CCDC181: variants seen among roughly 807,000 people sequenced by gnomAD.
CCDC181 encodes coiled-coil domain containing 181, also known as coiled-coil domain-containing protein 181.
In CCDC181, 35 loss-of-function variants were observed where a neutral mutation model predicts 58.7. That is an observed-to-expected ratio of 0.60 (90% CI 0.46 to 0.79). The LOEUF is 0.79. Ranked by LOEUF, CCDC181 falls within the 30% of genes least tolerant of loss-of-function variation. The pLI, the probability that CCDC181 is intolerant of heterozygous loss-of-function variation, is 0.00. For missense variants in CCDC181, 517 were observed against 583.9 expected (o/e 0.89, Z 1.18); for synonymous variants, 183 against 197.5 (o/e 0.93, Z 0.62).
chr1:169,398,575 CCT>C (rs66522441), intron 4 of CCDC181, among the ~76,000 whole-genome samples: 6,796 of 152,128 alleles, frequency 0.045, 211 homozygotes, highest in East Asian at 0.12. Flanking sequence ...ATTAAGGTTC[CCT>C]CTCTCACACA....
At position 169,422,056 on chromosome 1, in the gene CCDC181, T is replaced by C. The variant is rs756936054; in HGVS notation, c.375A>G (p.Arg125=). Residue 125 remains arginine, a synonymous_variant, in exon 3 of 6, where the codon AGA becomes AGG. Transcript: ENST00000367806. ...LEEEEDEEVR[R]YIMEKIVQAN... Reference sequence around the variant, plus strand: ...CTTGTACAATTTTCTCCATAATATATCTCCTTACTTCCTCATCCTCTTCCT... The same window carrying C: ...CTTGTACAATTTTCTCCATAATATACCTCCTTACTTCCTCATCCTCTTCCT... 3.1e-6 allele frequency: 5 copies of C among 1,613,992 alleles called. No homozygotes were observed. In the East Asian group the frequency reaches 1.1e-4, roughly 36 times the overall value.
intron 4 of CCDC181, among the ~76,000 whole-genome samples, chr1:169,413,765 A>T (rs1650340903): frequency 6.6e-6 from 1 of 152,032 alleles, no homozygotes; most frequent in Non-Finnish European, 1.5e-5. Context: ...AAACTAACAC[A>T]GGAATAGAAA....
chr1:169,437,641 T>G (rs1571508792), intron 2 of CCDC181, among the ~76,000 whole-genome samples: 1 of 152,182 alleles, frequency 6.6e-6, no homozygotes, highest in East Asian at 1.9e-4. Flanking sequence ...TTCTTCCTGC[T>G]GATCAGGGGC....
intron 2 of CCDC181, among the ~76,000 whole-genome samples, chr1:169,437,778 A>G (rs1657097415): frequency 6.6e-6 from 1 of 152,162 alleles, no homozygotes; most frequent in Non-Finnish European, 1.5e-5. Flanking sequence ...ATTGTCATCT[A>G]TAGTTTTAGT....
chr1:169,410,691 C>T (rs977857567), intron 4 of CCDC181, among the ~76,000 whole-genome samples: 3 of 152,332 alleles, frequency 2.0e-5, no homozygotes, highest in African/African-American at 4.8e-5. Context: ...AACAAACAGT[C>T]TCTCAGACCA....
chr1:169,397,148 G>GT (rs377018153), intron 5 of CCDC181, 89 bp downstream of exon 5: 16,386 of 1,093,154 alleles, frequency 0.015, no homozygotes, highest in South Asian at 0.021. Flanking sequence ...CATTTTGAGG[G>GT]TTTTTTTTTT....
chr1:169,415,671 A>G (rs1296354172), intron 4 of CCDC181, among the ~76,000 whole-genome samples: 1 of 152,150 alleles, frequency 6.6e-6, no homozygotes, highest in Admixed American at 6.6e-5. Flanking sequence ...CATTTGTATC[A>G]TTTGGCTCTA....
intron 1 of CCDC181, 77 bp from the exon 2 acceptor site, chr1:169,425,027 G>A (rs1656654738): frequency 3.4e-6 from 2 of 588,890 alleles, no homozygotes; most frequent in East Asian, 5.4e-5. Context: ...TAATGCTGTA[G>A]GTAAGCTAAT....
In CCDC181 at chr1:169,437,745, G is replaced by T. The variant is rs115255380; in HGVS notation, c.-23-12795C>A. ...ATGCAGACCTGGCTGTGGTTCCAAG[G>T]CTTGCATGGCAAAGGCATTAGTATT... On this transcript the variant is annotated intron_variant, in intron 2 of 6. Coordinates refer to the CCDC181 transcript ENST00000545005. Among the ~76,000 whole-genome samples, 1,192 of 152,248 alleles carry T rather than the reference G, an allele frequency of 7.8e-3. 16 individuals carry two copies. The highest frequency in any genetic ancestry group is 0.027 in the African/African-American group (1,140 of 41,530).
At chr1:169,457,585 C>T (rs1279149147) in intron 2 of CCDC181, among the ~76,000 whole-genome samples, 2 of 152,086 alleles carry the variant, frequency 1.3e-5, no homozygotes, top group Non-Finnish European at 2.9e-5. Context: ...TATCATTTCA[C>T]TTAAAGATGC....
chr1:169,459,014 TATTC>T lies in CCDC181; in HGVS notation c.-24+779_-24+782del, dbSNP rs576044192. Among the ~76,000 whole-genome samples the T allele has an allele frequency of 3.0e-3, 460 of 152,190 alleles. 4 individuals are homozygous for T. The highest frequency in any genetic ancestry group is 0.011 in the African/African-American group (438 of 41,530). On this transcript the variant is annotated intron_variant, in intron 2 of 6. Transcript: ENST00000545005. ...TGCAGTTGACAAATATTAAAATAAT[TATTC>T]ATTCTCGTTTGTACAGCAGTGAGTA...
chr1:169,456,379 C>G (rs538123872), intron 2 of CCDC181, among the ~76,000 whole-genome samples: 1 of 151,996 alleles, frequency 6.6e-6, no homozygotes, highest in African/African-American at 2.4e-5. Context: ...TTTATATACT[C>G]TTCATGTATA....
chr1:169,449,339 C>CAT (rs1174299776), intron 2 of CCDC181, among the ~76,000 whole-genome samples: 1 of 152,142 alleles, frequency 6.6e-6, no homozygotes, highest in Non-Finnish European at 1.5e-5. Context: ...TTGCACATGC[C>CAT]ATAAGCTTCC....
Position 169,424,918 on chromosome 1 carries a change from T to G in CCDC181, c.10A>C (p.Asn4His). 6.4e-7 allele frequency: 1 copy of G among 1,557,386 alleles called. No individual in the cohort carries two copies. Reference sequence around the variant, plus strand: ...CTTTTCTTTGAATCAGTATCTTTATTTTCATTCATTTTCTGTTTGTGAAGG... The same window carrying G: ...CTTTTCTTTGAATCAGTATCTTTATGTTCATTCATTTTCTGTTTGTGAAGG... The part of the protein sequence containing the change: MNE[N>H]KDTDSKKSEE... The change falls in exon 2 of 6, where the codon AAT (asparagine) becomes CAT (histidine). Residue 4 changes from asparagine to histidine, a missense_variant. Transcript: ENST00000367806.
At chr1:169,404,146 G>A (rs902285212) in intron 4 of CCDC181, among the ~76,000 whole-genome samples, 8 of 152,066 alleles carry the variant, frequency 5.3e-5, no homozygotes, top group Middle Eastern at 3.2e-3. Flanking sequence ...CGAATAACAG[G>A]CTCTGAAATT....
intron 2 of CCDC181, among the ~76,000 whole-genome samples, chr1:169,440,271 G>A (rs1657178763): frequency 6.6e-6 from 1 of 152,220 alleles, no homozygotes; most frequent in Non-Finnish European, 1.5e-5. Context: ...ATCCATCGCT[G>A]GAGGCGGATA....
chr1:169,459,905 G>GAAAAAAAAAAAA (rs754232999), intron 1 of CCDC181: 2 of 75,184 alleles, frequency 2.7e-5, no homozygotes, highest in Non-Finnish European at 5.2e-5. Flanking sequence ...TTGAAATTAG[G>GAAAAAAAAAAAA]AAAAAAAAAA....
At chr1:169,417,997 T>C (rs531213749) in intron 4 of CCDC181, among the ~76,000 whole-genome samples, 3 of 152,292 alleles carry the variant, frequency 2.0e-5, no homozygotes, top group Non-Finnish European at 4.4e-5. Flanking sequence ...CATACAGTGT[T>C]AGTCATTCAC....
In CCDC181 at chr1:169,440,931, T is replaced by TAAA. The variant is rs72040890; in HGVS notation, c.-23-15984_-23-15982dup. The stretch of plus-strand genomic sequence containing the variant: ...GCCCAGGCAACAGAGCAAGACTGTC[T>TAAA]AAAAAAAAAAAAAAGGCAAGATGAG... On this transcript the variant is annotated intron_variant, in intron 2 of 6. Transcript: ENST00000545005. Among the ~76,000 whole-genome samples, 9 of 76,900 alleles carry TAAA rather than the reference T, an allele frequency of 1.2e-4. 2 individuals carry two copies. Among genetic ancestry groups the TAAA allele is most frequent in the African/African-American group, 4.2e-4 (8 of 18,878 alleles). 50.4% of individuals were successfully genotyped at this position (76,900 alleles called of 152,430 possible).
Sources: gnomAD v4.1 joint callset for allele counts (sites outside exome capture counted in the v4.1 genomes callset) on GRCh38, gnomAD v4.1.1 for gene constraint, MANE v1.5 for transcripts, NCBI Gene and HGNC (gene_info 2026-07-23, HGNC 2026-07-21) for gene names.